Variants in WWC2 observed in about 807,000 individuals in gnomAD.
The protein encoded by WWC2 is protein WWC2.
In WWC2, 101 loss-of-function variants were observed where a neutral mutation model predicts 138.5. The observed-to-expected ratio is 0.73, with a 90% CI of 0.62 to 0.86. The LOEUF is 0.86. Among genes scored for constraint, WWC2 ranks in the 40% least tolerant of loss-of-function variants. WWC2 has a pLI of 0.00. For synonymous variants in WWC2, 558 were observed against 538.4 expected, an observed-to-expected ratio of 1.04 and a Z score of -0.50; for missense variants, 1,420 against 1,419.4, an observed-to-expected ratio of 1.00 and a Z score of -0.01.
chr4:183,230,706 G>A (rs540960867), intron 4 of WWC2, among the ~76,000 whole-genome samples: 6 of 151,864 alleles, frequency 4.0e-5, no homozygotes, highest in South Asian at 2.1e-4. Context: ...TAGAAAACAT[G>A]GCTATAATAG....
chr4:183,103,729 C>G (rs1016905285), intron 1 of WWC2, among the ~76,000 whole-genome samples: 4 of 151,366 alleles, frequency 2.6e-5, no homozygotes. Context: ...CCTCCGCCGC[C>G]TGGGTTCAAG....
chr4:183,298,963 GA>G (rs1159905797), intron 21 of WWC2, among the ~76,000 whole-genome samples: 1 of 152,144 alleles, frequency 6.6e-6, no homozygotes, highest in African/African-American at 2.4e-5. Flanking sequence ...AGGTTATGCA[GA>G]GCAGATTTTT....
At position 183,282,746 on chromosome 4, in the gene WWC2, C is replaced by T. The variant is rs1224923519; in HGVS notation, c.2723C>T (p.Ala908Val). 4 of 1,577,732 alleles carry T rather than the reference C, an allele frequency of 2.5e-6. No individual in the cohort carries two copies. The highest frequency in any genetic ancestry group is 3.4e-6 in the Non-Finnish European group (4 of 1,161,010). ...MLREASDEIV[A>V]EKEAEVKLPE... ...AGAGAGGCCTCTGATGAAATTGTGG[C>T]TGAAAAAGAGGCTGAAGTTAAATTG... Residue 908 changes from alanine (A) to valine (V), a missense_variant, in exon 18 of 23, where the codon GCT becomes GTT. Physicochemically the swap from Ala to Val is moderately conservative, Grantham distance 64. Coordinates refer to ENST00000403733, the MANE Select transcript of WWC2 (RefSeq NM_024949.6).
At chr4:183,299,262 C>G (rs1738741499) in intron 21 of WWC2, among the ~76,000 whole-genome samples, 1 of 152,084 alleles carries the variant, frequency 6.6e-6, no homozygotes, top group South Asian at 2.1e-4. Context: ...AAAGGTCCCA[C>G]CTCTCAATAC....
intron 16 of WWC2, among the ~76,000 whole-genome samples, chr4:183,278,353 C>T (rs1328505052): frequency 3.3e-5 from 5 of 152,150 alleles, no homozygotes; most frequent in South Asian, 2.1e-4. Context: ...GTTTTGGTAC[C>T]AGTACCATGC....
intron 4 of WWC2, among the ~76,000 whole-genome samples, chr4:183,229,466 C>T (rs766950580): frequency 2.0e-5 from 3 of 151,852 alleles, no homozygotes; most frequent in Non-Finnish European, 2.9e-5. Context: ...TATCTCCTGA[C>T]AAATAGAGTA....
chr4:183,105,169 A>G (rs1429526098), intron 1 of WWC2, among the ~76,000 whole-genome samples: 1 of 152,216 alleles, frequency 6.6e-6, no homozygotes, highest in Non-Finnish European at 1.5e-5. Flanking sequence ...TTAGCCTACC[A>G]AAGTGCTGGC....
intron 1 of WWC2, among the ~76,000 whole-genome samples, chr4:183,172,350 G>C (rs1353886598): frequency 6.6e-6 from 1 of 152,132 alleles, no homozygotes; most frequent in Middle Eastern, 3.2e-3. Flanking sequence ...TGTTTTGGTG[G>C]AGTAGCGTTG....
intron 15 of WWC2, chr4:183,269,517 C>T (rs567689242): frequency 3.9e-5 from 19 of 487,734 alleles, no homozygotes; most frequent in South Asian, 2.9e-4. Context: ...TATATTATCT[C>T]ATTTAATCCT....
chr4:183,247,236 A>G (rs1281738239), intron 6 of WWC2, among the ~76,000 whole-genome samples: 1 of 151,636 alleles, frequency 6.6e-6, no homozygotes, highest in African/African-American at 2.4e-5. Flanking sequence ...AAATATGCCT[A>G]CTCTTAAACT....
chr4:183,252,973 G>A (rs1737023925), intron 8 of WWC2, among the ~76,000 whole-genome samples: 1 of 152,086 alleles, frequency 6.6e-6, no homozygotes, highest in South Asian at 2.1e-4. Context: ...GGGCTCAAGT[G>A]ATCTCACCTT....
chr4:183,259,664 G>A lies in WWC2; in HGVS notation c.1222G>A (p.Glu408Lys), dbSNP rs770033352. The A allele has an allele frequency of 3.2e-6, 5 of 1,545,548 alleles. No individual in the cohort carries two copies. Among genetic ancestry groups the A allele is most frequent in the South Asian group, 1.2e-5 (1 of 81,298 alleles). ...ATTGAGATTGGAAGAGAGAAGAAAA[G>A]AGCTGCTACAGAAACTTGAAGAAAC... ...ERLRLEERRK[E>K]LLQKLEETTK... The change falls in exon 10 of 23, where the codon GAG becomes AAG. Residue 408 changes from glutamate (E) to lysine (K), a missense_variant. Glu to Lys is a moderately conservative substitution (Grantham distance 56, BLOSUM62 1). Transcript: ENST00000403733.
chr4:183,166,156 A>T (rs933076839), intron 1 of WWC2, among the ~76,000 whole-genome samples: 4 of 152,000 alleles, frequency 2.6e-5, no homozygotes, highest in Non-Finnish European at 5.9e-5. Flanking sequence ...CCTCCCCCAG[A>T]TATAGCCAGG....
At chr4:183,245,752 T>C (rs11943319) in intron 6 of WWC2, among the ~76,000 whole-genome samples, 6,589 of 152,236 alleles carry the variant, frequency 0.043, 504 homozygotes, top group African/African-American at 0.15. Flanking sequence ...CTGACTGGTA[T>C]GCTTCGTTGT....
chr4:183,182,297 C>G (rs988083925), intron 1 of WWC2, among the ~76,000 whole-genome samples: 3 of 152,162 alleles, frequency 2.0e-5, no homozygotes, highest in Non-Finnish European at 2.9e-5. Context: ...AATACTGAAG[C>G]CTCTTCTAGT....
intron 2 of WWC2, among the ~76,000 whole-genome samples, chr4:183,201,389 G>A (rs889719861): frequency 2.6e-5 from 4 of 152,194 alleles, no homozygotes; most frequent in South Asian, 4.1e-4. Context: ...TTTAGCCAGT[G>A]AGTGTGAGGC....
chr4:183,202,327 G>T (rs975580107), intron 2 of WWC2, among the ~76,000 whole-genome samples: 13 of 152,026 alleles, frequency 8.6e-5, no homozygotes, highest in Non-Finnish European at 4.4e-5. Flanking sequence ...CTATCTCTAA[G>T]AATTAAATTA....
chr4:183,128,340 GA>G (rs1001747125), intron 1 of WWC2, among the ~76,000 whole-genome samples: 8 of 146,744 alleles, frequency 5.5e-5, no homozygotes, highest in East Asian at 2.0e-4. Context: ...CTGTCTCAAA[GA>G]AAAAAAAAAG....
At chr4:183,252,712 A>G (rs1475897227) in intron 8 of WWC2, among the ~76,000 whole-genome samples, 1 of 152,196 alleles carries the variant, frequency 6.6e-6, no homozygotes, top group Non-Finnish European at 1.5e-5. Flanking sequence ...GGGCTAGCAC[A>G]ATAATGTATA....
Sources: gnomAD v4.1 joint callset for allele counts (sites outside exome capture counted in the v4.1 genomes callset) on GRCh38, gnomAD v4.1.1 for gene constraint, MANE v1.5 for transcripts, NCBI Gene and HGNC (gene_info 2026-07-23, HGNC 2026-07-21) for gene names.